NRP2: variants seen among roughly 807,000 people sequenced by gnomAD.
The protein encoded by NRP2 is neuropilin-2.
In NRP2, 52 loss-of-function variants were observed where a neutral mutation model predicts 110.4. That is an observed-to-expected ratio of 0.47 (90% confidence interval 0.38 to 0.59). The LOEUF is 0.59. NRP2 is among the 20% of genes least tolerant of loss of function. NRP2 has a pLI of 0.00. For synonymous variants in NRP2, 508 were observed against 468.9 expected, an observed-to-expected ratio of 1.08 and a Z score of -1.08; for missense variants, 1,049 against 1,203.0, an observed-to-expected ratio of 0.87 and a Z score of 1.89.
chr2:205,715,631 G>T (rs1252917632), intron 2 of NRP2, among the ~76,000 whole-genome samples: 1 of 152,152 alleles, frequency 6.6e-6, no homozygotes, highest in Admixed American at 6.5e-5. Flanking sequence ...GGGGAAAATT[G>T]AAACAGGGGG....
intron 2 of NRP2, among the ~76,000 whole-genome samples, chr2:205,705,342 G>A (rs890417947): frequency 6.6e-6 from 1 of 152,038 alleles, no homozygotes; most frequent in Non-Finnish European, 1.5e-5. Flanking sequence ...TTTTTTCCTA[G>A]AAGGAGAATC....
rs190548390 is a variant in NRP2, at chr2:205,757,007, A to G, written c.2044+4032A>G. ...AGGAATGAGACAAAGAAGATGAGGT[A>G]AAGGGTACTAGGCCAGGTCAGCTTC... On this transcript the variant is annotated intron_variant, in intron 12 of 16. Coordinates refer to ENST00000357785, the MANE Select transcript of NRP2 (RefSeq NM_003872.3). Among the ~76,000 whole-genome samples, 322 of 152,324 alleles carry G rather than the reference A, an allele frequency of 2.1e-3. 1 individual carries two copies. Among genetic ancestry groups the G allele is most frequent in the African/African-American group, 7.3e-3 (304 of 41,570 alleles).
intron 16 of NRP2, 52 bp downstream of exon 16, chr2:205,792,337 A>T (rs1211529288): frequency 7.3e-7 from 1 of 1,366,254 alleles, no homozygotes; most frequent in Admixed American, 1.7e-5. Context: ...GTTTGGTTAT[A>T]AAGGTGTCAA....
At chr2:205,733,572 C>G (rs2057283193) in intron 7 of NRP2, among the ~76,000 whole-genome samples, 1 of 152,148 alleles carries the variant, frequency 6.6e-6, no homozygotes, top group Non-Finnish European at 1.5e-5. Context: ...GAACCTCACT[C>G]CCTGTTCCCT....
chr2:205,684,954 G>A (rs761736235), intron 1 of NRP2, among the ~76,000 whole-genome samples: 10 of 152,206 alleles, frequency 6.6e-5, no homozygotes, highest in Non-Finnish European at 1.5e-4. Flanking sequence ...GCGCGAGCGC[G>A]CACACACTGG....
intron 12 of NRP2, chr2:205,756,374 TAGAC>T (rs1350091942): frequency 4.6e-5 from 7 of 152,156 alleles, no homozygotes; most frequent in Admixed American, 3.9e-4. Context: ...GCTTTGAACA[TAGAC>T]AGAGTTTTGA....
At position 205,783,429 on chromosome 2, in the gene NRP2, T is replaced by C. The variant is rs3770998; in HGVS notation, c.2426-8806T>C. ...TTTATGTTTTCTACTAAAAAATTTATGTAAAAAACATCCCTTAAGGTCAGT... is the reference window on the plus strand; with the variant it reads ...TTTATGTTTTCTACTAAAAAATTTACGTAAAAAACATCCCTTAAGGTCAGT... On this transcript the variant is annotated intron_variant, in intron 15 of 16. Transcript: ENST00000357785. Among the ~76,000 whole-genome samples, 76 of 152,362 alleles carry C rather than the reference T, an allele frequency of 5.0e-4. No individual in the cohort carries two copies. In the East Asian group the frequency reaches 0.014, roughly 29 times the overall value.
intron 7 of NRP2, among the ~76,000 whole-genome samples, chr2:205,732,955 G>A (rs1171753333): frequency 2.0e-5 from 3 of 152,144 alleles, no homozygotes; most frequent in Non-Finnish European, 4.4e-5. Context: ...TTGAATATGA[G>A]ATGAGGACAA....
intron 15 of NRP2, chr2:205,777,412 G>C (rs926409570): frequency 3.3e-5 from 5 of 152,268 alleles, no homozygotes; most frequent in African/African-American, 1.2e-4. Context: ...CCTTATAAAA[G>C]AGAAGCTCAT....
chr2:205,737,811 G>A (rs1439459317), intron 7 of NRP2, among the ~76,000 whole-genome samples: 1 of 152,232 alleles, frequency 6.6e-6, no homozygotes, highest in Admixed American at 6.5e-5. Flanking sequence ...GACACAAACT[G>A]TGTGCTTGCC....
chr2:205,743,735 G>C, intron 9 of NRP2, 183 bp downstream of exon 9: 1 of 1,140,570 alleles, frequency 8.8e-7, no homozygotes, highest in Non-Finnish European at 1.2e-6. Context: ...CCTTATTTCT[G>C]ACTCTTTTGT....
At chr2:205,765,716 G>A (rs369389094) in intron 14 of NRP2, 146 bp downstream of exon 14, 21 of 784,706 alleles carry the variant, frequency 2.7e-5, no homozygotes, top group African/African-American at 3.4e-5. Context: ...AGGTGTGGGT[G>A]TAGTTGTGTC....
chr2:205,735,879 TGAA>T (rs1319829345), intron 7 of NRP2, among the ~76,000 whole-genome samples: 5 of 152,212 alleles, frequency 3.3e-5, no homozygotes, highest in Admixed American at 3.3e-4. Flanking sequence ...GAGATGCACT[TGAA>T]GAAATCTTTA....
intron 15 of NRP2, among the ~76,000 whole-genome samples, chr2:205,788,688 C>T (rs534858201): frequency 4.8e-4 from 73 of 152,300 alleles, no homozygotes; most frequent in African/African-American, 1.6e-3. Flanking sequence ...GTGGCCCAGG[C>T]TCATTTGCCC....
intron 15 of NRP2, chr2:205,776,425 T>C: frequency 1.2e-6 from 2 of 1,613,488 alleles, no homozygotes; most frequent in Middle Eastern, 1.6e-4. Flanking sequence ...GACCGATCAC[T>C]CCATCACCTA....
chr2:205,750,596 T>C (rs2057625846), intron 11 of NRP2, among the ~76,000 whole-genome samples: 1 of 152,222 alleles, frequency 6.6e-6, no homozygotes, highest in African/African-American at 2.4e-5. Context: ...TTTTAAATCA[T>C]ACTGCTAAAG....
chr2:205,791,063 T>G (rs2058295987), intron 15 of NRP2, among the ~76,000 whole-genome samples: 1 of 152,238 alleles, frequency 6.6e-6, no homozygotes, highest in Admixed American at 6.5e-5. Flanking sequence ...AAAGACTGAA[T>G]TTCAAATGTG....
At chr2:205,745,698 G>A (rs2057525390) in intron 9 of NRP2, 48 bp from the exon 10 acceptor site, 3 of 1,612,328 alleles carry the variant, frequency 1.9e-6, no homozygotes, top group Middle Eastern at 1.7e-4. Flanking sequence ...GAAGGTGATA[G>A]GGACTGGGTC....
chr2:205,783,210 G>A (rs948565521), intron 15 of NRP2, among the ~76,000 whole-genome samples: 5 of 152,088 alleles, frequency 3.3e-5, no homozygotes, highest in Admixed American at 6.5e-5. Flanking sequence ...TCTTCAGAAC[G>A]TTCTTTTTTT....
Sources: allele counts gnomAD v4.1 joint callset (sites outside exome capture counted in the v4.1 genomes callset), GRCh38; gene constraint gnomAD v4.1.1; transcripts MANE v1.5; gene names NCBI Gene and HGNC (gene_info 2026-07-23, HGNC 2026-07-21).